ZNF106: variants seen among roughly 807,000 people sequenced by gnomAD.
The protein encoded by ZNF106 is zinc finger protein 106.
In ZNF106, 67 loss-of-function variants were observed where a neutral mutation model predicts 195.1. That is an observed-to-expected ratio of 0.34 (90% CI 0.28 to 0.42). The LOEUF (loss-of-function observed/expected upper bound fraction) is 0.42. ZNF106 is among the 10% of genes least tolerant of loss of function. ZNF106 has a pLI of 1.00. For missense variants in ZNF106, 2,118 were observed against 2,304.5 expected (o/e 0.92, Z 1.66); for synonymous variants, 784 against 818.6 (o/e 0.96, Z 0.72).
chr15:42,424,057 C>T lies in ZNF106; in HGVS notation c.5194G>A (p.Val1732Met), dbSNP rs2054765977. The change falls in exon 17 of 22, where the codon GTG (valine) becomes ATG (methionine). Residue 1732 changes from valine (V) to methionine (M), a missense_variant. Physicochemically the swap from Val to Met is conservative, Grantham distance 21. Coordinates refer to ENST00000564754, the MANE Select transcript of ZNF106 (RefSeq NM_001366845.3). ...HSKTILCMKV[V>M]NDLVFSGSSD... Reference sequence around the variant, plus strand: ...GAGCCACTGAACACGAGATCATTCACCACCTTAAAGAAAAAATTAAACAAG... The same window carrying T: ...GAGCCACTGAACACGAGATCATTCATCACCTTAAAGAAAAAATTAAACAAG... 1 of 1,612,432 alleles carries T rather than the reference C, an allele frequency of 6.2e-7. No individual in the cohort carries two copies. The highest frequency in any genetic ancestry group is 1.3e-5 in the African/African-American group (1 of 74,962).
At chr15:42,446,244 A>C (rs1336612934) in intron 7 of ZNF106, among the ~76,000 whole-genome samples, 3 of 152,230 alleles carry the variant, frequency 2.0e-5, no homozygotes, top group Non-Finnish European at 4.4e-5. Context: ...ATAAATGACA[A>C]GCTATGCTCT....
intron 15 of ZNF106, chr15:42,427,541 C>T (rs2054900702): frequency 6.4e-6 from 1 of 155,204 alleles, no homozygotes; most frequent in Admixed American, 6.3e-5. Flanking sequence ...TGCCAAACCA[C>T]ACCAATGTCA....
chr15:42,435,876 T>A (rs1053511789), intron 13 of ZNF106, among the ~76,000 whole-genome samples: 1 of 152,122 alleles, frequency 6.6e-6, no homozygotes, highest in African/African-American at 2.4e-5. Flanking sequence ...AGATGAGCAT[T>A]TGATAAGCAG....
Position 42,451,476 on chromosome 15 carries a change from T to G in ZNF106, c.796A>C (p.Lys266Gln), listed in dbSNP as rs1425668655. ...TTTCTGTTTCTGCCTGGTTGAAATT[T>G]GTCTCCAGGGCCACTGTAATTCCAA... ...NNWNYSGPGD[K>Q]FQPGRNRNSN... The change falls in exon 5 of 22, where the codon AAA becomes CAA. Residue 266 changes from lysine (K) to glutamine (Q), a missense_variant. By Grantham distance (53) the Lys-to-Gln change is moderately conservative (BLOSUM62 1). Transcript: ENST00000564754. The G allele has an allele frequency of 1.2e-6, 2 of 1,614,110 alleles. No individual in the cohort carries two copies. Among genetic ancestry groups the G allele is most frequent in the Admixed American group, 3.3e-5 (2 of 60,000 alleles).
intron 1 of ZNF106, among the ~76,000 whole-genome samples, chr15:42,476,181 T>C (rs12913324): frequency 0.62 from 94,116 of 152,080 alleles, 31,905 homozygotes; most frequent in East Asian, 0.81. Flanking sequence ...CAGCAAAGTA[T>C]TCAATCGATA....
At chr15:42,446,715 G>A (rs2055787280) in intron 6 of ZNF106, 57 bp from the exon 7 acceptor site, 3 of 1,384,786 alleles carry the variant, frequency 2.2e-6, no homozygotes, top group African/African-American at 2.9e-5. Context: ...TTATCCAAGA[G>A]GAGAAAAAGG....
At chr15:42,490,446 A>T (rs1349284985) in intron 1 of ZNF106, 1 of 152,180 alleles carries the variant, frequency 6.6e-6, no homozygotes, top group Non-Finnish European at 1.5e-5. Flanking sequence ...AGAGGATGTA[A>T]AGCATTTCCT....
chr15:42,435,394 T>A lies in ZNF106; in HGVS notation c.4871A>T (p.Tyr1624Phe). ...TCTGGACCCACCTACCTTAACATTA[T>A]AGCAGCGGATGGTATGGTCACTGGA... ...TGSSDHTIRC[Y>F]NVKSRECVEQ... The change falls in exon 14 of 22, where the codon TAT (tyrosine) becomes TTT (phenylalanine). Residue 1624 changes from tyrosine to phenylalanine, a missense_variant. By Grantham distance (22) the Tyr-to-Phe change is conservative (BLOSUM62 3). Coordinates refer to ENST00000564754, the MANE Select transcript of ZNF106 (RefSeq NM_001366845.3). 6.2e-7 allele frequency: 1 copy of A among 1,614,172 alleles called. No individual in the cohort carries two copies. The highest frequency in any genetic ancestry group is 8.5e-7 in the Non-Finnish European group (1 of 1,180,026).
In ZNF106 at chr15:42,417,156, C is replaced by G. The variant is rs2054485975; in HGVS notation, c.*148G>C. ...AAGTGTAATTTATCATCCCATAGAG[C>G]TGCCCAGACTTATGCTAGGGGTATG... On this transcript the variant is annotated 3_prime_UTR_variant, in exon 22 of 22. Coordinates refer to ENST00000564754, the MANE Select transcript of ZNF106 (RefSeq NM_001366845.3). 2.8e-6 allele frequency: 2 copies of G among 711,498 alleles called. No individual in the cohort carries two copies. The highest frequency in any genetic ancestry group is 2.8e-5 in the Admixed American group (1 of 36,086). 44.1% of individuals were successfully genotyped at this position (711,498 alleles called of 1,614,324 possible).
chr15:42,435,233 C>G lies in ZNF106; in HGVS notation c.4881+151G>C, dbSNP rs1049151800. ...GGTTTATGTGTAAGTCTCATATCTA[C>G]CTAGGGCTACAACAATGTGCTAAAC... On this transcript the variant is annotated intron_variant, in intron 14 of 21. Coordinates refer to ENST00000564754, the MANE Select transcript of ZNF106 (RefSeq NM_001366845.3). 2.8e-6 allele frequency: 3 copies of G among 1,078,844 alleles called. No individual in the cohort carries two copies. In the African/African-American group the frequency reaches 4.7e-5, roughly 17 times the overall value. 66.8% of individuals were successfully genotyped at this position (1,078,844 alleles called of 1,614,324 possible).
At chr15:42,445,016 G>A (rs769664831) in intron 7 of ZNF106, 35 bp from the exon 8 acceptor site, 20 of 1,610,866 alleles carry the variant, frequency 1.2e-5, no homozygotes, top group South Asian at 5.5e-5. Flanking sequence ...AGGTTAATAC[G>A]AGAGATTTCC....
chr15:42,469,013 C>T (rs2056599055), intron 2 of ZNF106, among the ~76,000 whole-genome samples: 1 of 151,938 alleles, frequency 6.6e-6, no homozygotes, highest in Admixed American at 6.6e-5. Context: ...ATGGTGAAAC[C>T]CCGTCTCTAC....
Position 42,416,358 on chromosome 15 carries a change from A to G in ZNF106, c.*946T>C, listed in dbSNP as rs1227719962. ...GAAAACACCCCGTGAGCCCAGAGGA[A>G]TATTCGATGGCTGCCATCGGTCTAG... is the stretch of plus-strand genomic sequence containing the variant. On this transcript the variant is annotated 3_prime_UTR_variant, in exon 22 of 22. Coordinates refer to ENST00000564754, the MANE Select transcript of ZNF106 (RefSeq NM_001366845.3). 1 of 152,312 alleles carries G rather than the reference A, an allele frequency of 6.6e-6. No individual in the cohort carries two copies. The highest frequency in any genetic ancestry group is 1.9e-4 in the East Asian group (1 of 5,200). 9.4% of individuals were successfully genotyped at this position (152,312 alleles called of 1,614,324 possible). A position where few individuals can be genotyped will look rare whatever the true frequency, so the allele number is the denominator to read the frequency against.
chr15:42,453,727 C>G (rs561500320), intron 4 of ZNF106, among the ~76,000 whole-genome samples: 67 of 152,112 alleles, frequency 4.4e-4, no homozygotes, highest in African/African-American at 1.5e-3. Flanking sequence ...TCCTGAGTAG[C>G]TGGGATTACA....
intron 1 of ZNF106, among the ~76,000 whole-genome samples, chr15:42,482,097 A>C (rs62022319): frequency 7.2e-5 from 11 of 152,084 alleles, no homozygotes; most frequent in Non-Finnish European, 1.3e-4. Flanking sequence ...ATTAAGCCCC[A>C]TCCAGTTTAA....
intron 13 of ZNF106, among the ~76,000 whole-genome samples, chr15:42,436,403 CTT>C (rs2055275280): frequency 6.6e-6 from 1 of 152,128 alleles, no homozygotes; most frequent in Non-Finnish European, 1.5e-5. Flanking sequence ...GCACTGCTTC[CTT>C]TTTTCAGTCA....
At chr15:42,452,990 G>A (rs148256501) in intron 4 of ZNF106, among the ~76,000 whole-genome samples, 326 of 152,108 alleles carry the variant, frequency 2.1e-3, no homozygotes, top group Non-Finnish European at 3.6e-3. Context: ...CACTGCGCCC[G>A]GCCTAGTTAT....
At position 42,414,348 on chromosome 15, in the gene ZNF106, A is replaced by T. The variant is rs1048151021; in HGVS notation, c.*2956T>A. The T allele has an allele frequency of 1.3e-5, 2 of 152,252 alleles. No homozygotes were observed. The highest frequency in any genetic ancestry group is 2.9e-5 in the Non-Finnish European group (2 of 68,048). The allele number at this position is 152,252 out of a possible 1,614,324, so 9.4% of individuals were successfully genotyped here. ...AATGCTTATGGTCCCTTTATTTCTT[A>T]ATAGAGGGCTAGAACCGTTCATTTG... On this transcript the variant is annotated 3_prime_UTR_variant, in exon 22 of 22. Coordinates refer to ENST00000564754, the MANE Select transcript of ZNF106 (RefSeq NM_001366845.3).
chr15:42,458,189 T>G (rs1215404296), intron 3 of ZNF106, among the ~76,000 whole-genome samples: 1 of 151,902 alleles, frequency 6.6e-6, no homozygotes, highest in Non-Finnish European at 1.5e-5. Flanking sequence ...GCACTTCCTA[T>G]GCCAATCTAT....
Sources: gnomAD v4.1 joint callset for allele counts (sites outside exome capture counted in the v4.1 genomes callset) on GRCh38, gnomAD v4.1.1 for gene constraint, MANE v1.5 for transcripts, NCBI Gene and HGNC (gene_info 2026-07-23, HGNC 2026-07-21) for gene names.